GDAP2: variants seen among roughly 807,000 people sequenced by gnomAD.
The protein encoded by GDAP2 is ganglioside induced differentiation associated protein 2, also known as ganglioside-induced differentiation-associated protein 2.
In GDAP2, 51 loss-of-function variants were observed where a neutral mutation model predicts 67.0. The observed-to-expected ratio is 0.76, with a 90% CI of 0.61 to 0.96. The LOEUF is 0.96. Among genes scored for constraint, GDAP2 ranks in the 40% least tolerant of loss-of-function variants. The pLI, the probability that GDAP2 is intolerant of heterozygous loss-of-function variation, is 0.00. For synonymous variants in GDAP2, 203 were observed against 207.3 expected (o/e 0.98, Z 0.18); for missense variants, 547 against 588.3 (o/e 0.93, Z 0.73).
rs200021439 is a variant in GDAP2, at chr1:117,903,165, G to GT, written c.636+3340dup. ...TATTAGTTCTAACAGTGTTTGTTTG[G>GT]TTTTTTTTTGGCATGGACTCTTTAG... On this transcript the variant is annotated intron_variant, in intron 6 of 13. Transcript: ENST00000369443. Among the ~76,000 whole-genome samples the GT allele has an allele frequency of 6.1e-3, 921 of 150,648 alleles. 11 individuals are homozygous for GT. Among genetic ancestry groups the GT allele is most frequent in the African/African-American group, 0.02 (841 of 41,098 alleles).
At chr1:117,887,851 C>A (rs1408468386) in intron 8 of GDAP2, 77 bp from the exon 9 acceptor site, 2 of 794,642 alleles carry the variant, frequency 2.5e-6, no homozygotes, top group East Asian at 2.5e-5. Flanking sequence ...TTTTTAATAC[C>A]CTTCCCTGAC....
chr1:117,905,719 TG>T (rs113555185), intron 6 of GDAP2, among the ~76,000 whole-genome samples: 1 of 152,328 alleles, frequency 6.6e-6, no homozygotes, highest in African/African-American at 2.4e-5. Flanking sequence ...AAAAGATCAC[TG>T]GAAGATTCTA....
intron 3 of GDAP2, among the ~76,000 whole-genome samples, chr1:117,914,678 A>G (rs913688351): frequency 6.6e-6 from 1 of 152,022 alleles, no homozygotes; most frequent in African/African-American, 2.4e-5. Context: ...GCTTTCCAGA[A>G]AGAAACCAGT....
chr1:117,926,394 T>C (rs536616503), intron 1 of GDAP2, among the ~76,000 whole-genome samples: 8 of 152,324 alleles, frequency 5.3e-5, no homozygotes, highest in African/African-American at 1.9e-4. Context: ...TGGATCCTTT[T>C]CCTAGCTTTT....
rs1650424216 is a variant in GDAP2 at position 117,925,840 on chromosome 1, A to C, written c.-68+3608T>G. ...AACTGCATAGGAGAACAATTACCTTAACTTCCCTCCAACTCAAAATCATTC... is the reference window on the plus strand; with the variant it reads ...AACTGCATAGGAGAACAATTACCTTCACTTCCCTCCAACTCAAAATCATTC... On this transcript the variant is annotated intron_variant, in intron 1 of 13. Coordinates refer to ENST00000369443, the MANE Select transcript of GDAP2 (RefSeq NM_017686.4). 2.6e-5 allele frequency among the ~76,000 whole-genome samples: 4 copies of C among 152,322 alleles called. No individual in the cohort carries two copies. The South Asian group carries it at 8.3e-4, about 32-fold the overall frequency.
intron 8 of GDAP2, among the ~76,000 whole-genome samples, chr1:117,889,959 G>T (rs1035788909): frequency 6.6e-6 from 1 of 151,962 alleles, no homozygotes; most frequent in East Asian, 1.9e-4. Context: ...ATCATAGTAG[G>T]TACTAAATTC....
chr1:117,912,481 C>A (rs546117796), intron 4 of GDAP2, 49 bp downstream of exon 4: 5 of 1,483,132 alleles, frequency 3.4e-6, no homozygotes, highest in Non-Finnish European at 4.6e-6. Context: ...AAAACTGGGG[C>A]CTTTAACAAT....
At chr1:117,876,925 A>G (rs1000379941) in intron 13 of GDAP2, among the ~76,000 whole-genome samples, 2 of 152,186 alleles carry the variant, frequency 1.3e-5, no homozygotes, top group Admixed American at 6.5e-5. Flanking sequence ...AGTGCCTTTC[A>G]CATTTTCTGC....
chr1:117,907,163 C>A (rs865985419), intron 5 of GDAP2, among the ~76,000 whole-genome samples: 14 of 152,274 alleles, frequency 9.2e-5, no homozygotes, highest in Middle Eastern at 3.4e-3. Context: ...ATAACAAGAC[C>A]TACTGGCCTT....
At chr1:117,902,290 C>T (rs1649505040) in intron 6 of GDAP2, among the ~76,000 whole-genome samples, 1 of 152,072 alleles carries the variant, frequency 6.6e-6, no homozygotes, top group African/African-American at 2.4e-5. Flanking sequence ...GCTTATTTGT[C>T]TTTTGTTGAA....
At chr1:117,889,279 G>A (rs1007805491) in intron 8 of GDAP2, among the ~76,000 whole-genome samples, 5 of 151,932 alleles carry the variant, frequency 3.3e-5, no homozygotes, top group Non-Finnish European at 7.4e-5. Flanking sequence ...GCTGAATCAA[G>A]CTAATGAACA....
chr1:117,924,481 G>C (rs1650374075), intron 1 of GDAP2, among the ~76,000 whole-genome samples: 2 of 152,174 alleles, frequency 1.3e-5, no homozygotes, highest in African/African-American at 4.8e-5. Context: ...TTTTTGAGAA[G>C]TTTTTCAGTA....
chr1:117,903,850 A>G, intron 6 of GDAP2, among the ~76,000 whole-genome samples: 1 of 152,204 alleles, frequency 6.6e-6, no homozygotes, highest in East Asian at 1.9e-4. Flanking sequence ...ATCAAAGATG[A>G]ATGTAAGGAG....
rs987965291 is a variant in GDAP2, at chr1:117,887,837, C to A, written c.954-63G>T. 5.2e-6 allele frequency: 5 copies of A among 963,384 alleles called. No individual in the cohort carries two copies. The Admixed American group carries it at 5.7e-5, about 11-fold the overall frequency. 59.7% of individuals were successfully genotyped at this position (963,384 alleles called of 1,614,324 possible). A position where few individuals can be genotyped will look rare whatever the true frequency, so the allele number is the denominator to read the frequency against. ...TTGGAAATTAAATTTACAAATGGGACCAATTTTTAATACCCTTCCCTGACC... is the reference window on the plus strand; with the variant it reads ...TTGGAAATTAAATTTACAAATGGGAACAATTTTTAATACCCTTCCCTGACC... On this transcript the variant is annotated intron_variant, in intron 8 of 13. Coordinates refer to ENST00000369443, the MANE Select transcript of GDAP2 (RefSeq NM_017686.4).
Position 117,869,658 on chromosome 1 carries a change from C to G in GDAP2, c.*911G>C, listed in dbSNP as rs1648188082. 2 of 152,630 alleles carry G rather than the reference C, an allele frequency of 1.3e-5. No homozygotes were observed. Among genetic ancestry groups the G allele is most frequent in the South Asian group, 4.1e-4 (2 of 4,828 alleles). 9.5% of individuals were successfully genotyped at this position (152,630 alleles called of 1,614,324 possible). A position where few individuals can be genotyped will look rare whatever the true frequency, so the allele number is the denominator to read the frequency against. On this transcript the variant is annotated 3_prime_UTR_variant, in exon 14 of 14. Coordinates refer to ENST00000369443, the MANE Select transcript of GDAP2 (RefSeq NM_017686.4). ...AGCTCCCTGGATTTGTTCACTGTGA[C>G]ACACTTCCTCCACACTGATGCAGGC...
At chr1:117,925,529 G>C (rs547032927) in intron 1 of GDAP2, among the ~76,000 whole-genome samples, 1 of 152,114 alleles carries the variant, frequency 6.6e-6, no homozygotes, top group South Asian at 2.1e-4. Context: ...TTTTGATGTA[G>C]TTACTACCTT....
chr1:117,883,924 T>C (rs1399341687), intron 10 of GDAP2, among the ~76,000 whole-genome samples: 1 of 152,216 alleles, frequency 6.6e-6, no homozygotes, highest in African/African-American at 2.4e-5. Flanking sequence ...ATTCTTCATA[T>C]ACTGGAAAAA....
chr1:117,912,137 C>A (rs897886698), intron 4 of GDAP2, 55 bp from the exon 5 acceptor site: 4 of 976,604 alleles, frequency 4.1e-6, no homozygotes, highest in African/African-American at 1.6e-5. Context: ...AATACATACA[C>A]AACAATATAT....
chr1:117,881,874 G>A lies in GDAP2; in HGVS notation c.1251C>T (p.Tyr417=), dbSNP rs1648658434. 2 of 1,552,246 alleles carry A rather than the reference G, an allele frequency of 1.3e-6. No homozygotes were observed. The highest frequency in any genetic ancestry group is 2.2e-5 in the South Asian group (2 of 89,782). ...KKLYDVVDVK[Y]KRNLKAVYFV... ...AATAAACAGCCTTCAAATTCCTCTTGTACCTGATCCAAAAATAAAATGACA... is the reference window on the plus strand; with the variant it reads ...AATAAACAGCCTTCAAATTCCTCTTATACCTGATCCAAAAATAAAATGACA... Residue 417 remains tyrosine, a synonymous_variant, in exon 12 of 14, where the codon TAC becomes TAT. Transcript: ENST00000369443.
Sources: gnomAD v4.1 joint callset for allele counts (sites outside exome capture counted in the v4.1 genomes callset) on GRCh38, gnomAD v4.1.1 for gene constraint, MANE v1.5 for transcripts, NCBI Gene and HGNC (gene_info 2026-07-23, HGNC 2026-07-21) for gene names.